Variants in SYNDIG1 observed in about 807,000 individuals in gnomAD.
SYNDIG1 encodes synapse differentiation-inducing gene protein 1.
Under a neutral mutation model 19.4 loss-of-function variants are expected in SYNDIG1, and 9 were observed. That is an observed-to-expected ratio of 0.46 (90% confidence interval 0.28 to 0.81). The LOEUF (loss-of-function observed/expected upper bound fraction) is 0.81. Among genes scored for constraint, SYNDIG1 ranks in the 30% least tolerant of loss-of-function variants. The pLI is 0.12. For synonymous variants in SYNDIG1, 141 were observed against 145.9 expected (o/e 0.97, Z 0.24); for missense variants, 311 against 343.3 (o/e 0.91, Z 0.74).
At chr20:24,644,748 A>G in intron 3 of SYNDIG1, among the ~76,000 whole-genome samples, 1 of 152,206 alleles carries the variant, frequency 6.6e-6, no homozygotes, top group Admixed American at 6.5e-5. Context: ...CCCATTCTCC[A>G]GCTGAGTGCT....
At chr20:24,504,030 G>T (rs1391774997) in intron 1 of SYNDIG1, among the ~76,000 whole-genome samples, 3 of 147,426 alleles carry the variant, frequency 2.0e-5, no homozygotes, top group Non-Finnish European at 4.4e-5. Flanking sequence ...CATGATCTTG[G>T]CTCACTGCAA....
chr20:24,522,556 C>T (rs189689956), intron 1 of SYNDIG1, among the ~76,000 whole-genome samples: 1 of 152,156 alleles, frequency 6.6e-6, no homozygotes, highest in Non-Finnish European at 1.5e-5. Flanking sequence ...ATTTTGAGTC[C>T]TTCCCTTGGT....
At chr20:24,626,902 C>A (rs1384200924) in intron 3 of SYNDIG1, among the ~76,000 whole-genome samples, 1 of 152,246 alleles carries the variant, frequency 6.6e-6, no homozygotes, top group Non-Finnish European at 1.5e-5. Flanking sequence ...AGCGAAACCC[C>A]GTCTCCACCA....
intron 1 of SYNDIG1, among the ~76,000 whole-genome samples, chr20:24,518,230 G>T (rs547182493): frequency 6.6e-6 from 1 of 152,196 alleles, no homozygotes; most frequent in Admixed American, 6.5e-5. Flanking sequence ...GGAGGAGAAG[G>T]TTCTTCAAGG....
intron 1 of SYNDIG1, among the ~76,000 whole-genome samples, chr20:24,519,883 AAC>A (rs745355895): frequency 6.6e-5 from 10 of 151,962 alleles, no homozygotes; most frequent in Non-Finnish European, 1.0e-4. Context: ...CATCACGAAA[AAC>A]ACAGAATGTC....
intron 3 of SYNDIG1, among the ~76,000 whole-genome samples, chr20:24,661,046 G>A (rs2059579923): frequency 1.3e-5 from 2 of 152,240 alleles, no homozygotes; most frequent in African/African-American, 4.8e-5. Context: ...TCCTTCTGTG[G>A]ATGGGACCCA....
intron 3 of SYNDIG1, among the ~76,000 whole-genome samples, chr20:24,647,080 A>G (rs1196566610): frequency 6.6e-6 from 1 of 152,246 alleles, no homozygotes; most frequent in Non-Finnish European, 1.5e-5. Flanking sequence ...CTCGAGTTCA[A>G]TACAAGAGAA....
chr20:24,579,069 A>T (rs1014920371), intron 2 of SYNDIG1, among the ~76,000 whole-genome samples: 1 of 152,218 alleles, frequency 6.6e-6, no homozygotes, highest in Admixed American at 6.5e-5. Context: ...TAAACATTCC[A>T]CAACAAACTA....
At chr20:24,596,180 A>G (rs1237583936) in intron 3 of SYNDIG1, among the ~76,000 whole-genome samples, 1 of 152,168 alleles carries the variant, frequency 6.6e-6, no homozygotes, top group African/African-American at 2.4e-5. Context: ...AGTTTCAAAG[A>G]ATTCCTTGAT....
chr20:24,592,377 G>A (rs899374437), intron 3 of SYNDIG1, among the ~76,000 whole-genome samples: 5 of 152,102 alleles, frequency 3.3e-5, no homozygotes, highest in African/African-American at 1.2e-4. Flanking sequence ...CTGGTGTGTG[G>A]GATGCAATGT....
chr20:24,529,511 T>C (rs2057197894), intron 1 of SYNDIG1, among the ~76,000 whole-genome samples: 1 of 152,204 alleles, frequency 6.6e-6, no homozygotes, highest in African/African-American at 2.4e-5. Context: ...GCCATAGACA[T>C]ATGTGCATGA....
intron 2 of SYNDIG1, among the ~76,000 whole-genome samples, chr20:24,548,812 T>A (rs1003271850): frequency 5.3e-5 from 8 of 152,332 alleles, no homozygotes; most frequent in African/African-American, 1.7e-4. Flanking sequence ...CTTTTAGCTT[T>A]CATGATGAAA....
chr20:24,600,536 T>C (rs1159237625), intron 3 of SYNDIG1, among the ~76,000 whole-genome samples: 1 of 151,982 alleles, frequency 6.6e-6, no homozygotes, highest in Non-Finnish European at 1.5e-5. Flanking sequence ...AACACACTTT[T>C]CTTGCACATT....
intron 1 of SYNDIG1, among the ~76,000 whole-genome samples, chr20:24,482,486 C>T (rs1157165846): frequency 6.6e-6 from 1 of 152,208 alleles, no homozygotes; most frequent in Non-Finnish European, 1.5e-5. Flanking sequence ...CTGAGGCAGC[C>T]TTTGGGATCA....
intron 3 of SYNDIG1, among the ~76,000 whole-genome samples, chr20:24,617,667 GC>G (rs1568688471): frequency 6.6e-6 from 1 of 152,042 alleles, no homozygotes; most frequent in Non-Finnish European, 1.5e-5. Context: ...CCACAAGGAA[GC>G]CCCCCAAAAG....
At chr20:24,569,267 A>C (rs893631931) in intron 2 of SYNDIG1, among the ~76,000 whole-genome samples, 1 of 152,224 alleles carries the variant, frequency 6.6e-6, no homozygotes, top group Non-Finnish European at 1.5e-5. Context: ...GTGTGACAGG[A>C]GAGTGACTCG....
intron 3 of SYNDIG1, among the ~76,000 whole-genome samples, chr20:24,646,134 G>A (rs1046508052): frequency 2.0e-5 from 3 of 152,136 alleles, no homozygotes; most frequent in Non-Finnish European, 4.4e-5. Flanking sequence ...TTCAAGTCCA[G>A]CATCTCATTT....
intron 3 of SYNDIG1, among the ~76,000 whole-genome samples, chr20:24,652,409 T>C (rs76052507): frequency 0.027 from 4,116 of 152,206 alleles, 155 homozygotes; most frequent in African/African-American, 0.089. Flanking sequence ...ACAAAACTTA[T>C]ATGAGCTCCT....
At chr20:24,570,585 G>C (rs55895654) in intron 2 of SYNDIG1, among the ~76,000 whole-genome samples, 3 of 152,186 alleles carry the variant, frequency 2.0e-5, no homozygotes, top group African/African-American at 7.2e-5. Context: ...GGGAAATGCA[G>C]ACTAAAACCA....
Sources: allele counts gnomAD v4.1 joint callset (sites outside exome capture counted in the v4.1 genomes callset), GRCh38; gene constraint gnomAD v4.1.1; transcripts MANE v1.5; gene names NCBI Gene and HGNC (gene_info 2026-07-23, HGNC 2026-07-21).